The following BAZ1B variants were observed in gnomAD, a reference collection of about 807,000 sequenced individuals.
BAZ1B encodes the protein bromodomain adjacent to zinc finger domain 1B, also known as tyrosine-protein kinase BAZ1B.
Under a neutral mutation model 153.8 loss-of-function variants are expected in BAZ1B, and 22 were observed. The ratio of observed to expected loss-of-function variants is 0.14; its 90% CI spans 0.10 to 0.20. The LOEUF (loss-of-function observed/expected upper bound fraction) is 0.20, where lower values mean the gene tolerates loss of function less well. Ranked by LOEUF, BAZ1B falls within the 10% of genes least tolerant of loss-of-function variation. The pLI, the probability that BAZ1B is intolerant of heterozygous loss-of-function variation, is 1.00. For missense variants in BAZ1B, 1,325 were observed against 1,799.3 expected, an observed-to-expected ratio of 0.74 and a Z score of 4.77; for synonymous variants, 676 against 633.4, an observed-to-expected ratio of 1.07 and a Z score of -1.01.
chr7:73,489,078 T>C (rs1040514999), intron 6 of BAZ1B, 116 bp downstream of exon 6: 1 of 1,122,214 alleles, frequency 8.9e-7, no homozygotes, highest in Non-Finnish European at 1.3e-6. Context: ...CTGAAAAATT[T>C]TTAATTCATT....
chr7:73,506,987 TC>T, intron 3 of BAZ1B, among the ~76,000 whole-genome samples: 1 of 139,620 alleles, frequency 7.2e-6, no homozygotes, highest in Non-Finnish European at 1.5e-5. Flanking sequence ...CACGCCATTC[TC>T]CTGCCTCAGC....
intron 13 of BAZ1B, among the ~76,000 whole-genome samples, chr7:73,456,624 A>G (rs1418825124): frequency 6.6e-6 from 1 of 152,166 alleles, no homozygotes; most frequent in East Asian, 1.9e-4. Context: ...ATTAGGATGG[A>G]TACTATTAAA....
chr7:73,442,641 G>A (rs1787668902), intron 18 of BAZ1B, 84 bp downstream of exon 18: 1 of 1,548,948 alleles, frequency 6.5e-7, no homozygotes, highest in Middle Eastern at 2.0e-4. Flanking sequence ...CAAGGGCTTG[G>A]CTGAGAGCCC....
At chr7:73,455,170 C>T (rs1788151110) in intron 13 of BAZ1B, among the ~76,000 whole-genome samples, 1 of 152,028 alleles carries the variant, frequency 6.6e-6, no homozygotes, top group Admixed American at 6.6e-5. Flanking sequence ...CAGGCGTGAG[C>T]CACCGCACCT....
chr7:73,514,467 A>T (rs1790710729), intron 1 of BAZ1B, among the ~76,000 whole-genome samples: 1 of 149,722 alleles, frequency 6.7e-6, no homozygotes, highest in South Asian at 2.2e-4. Flanking sequence ...TTGGAGACGG[A>T]GGTCGCAGTG....
chr7:73,465,086 C>T (rs1788530574), intron 11 of BAZ1B, among the ~76,000 whole-genome samples: 2 of 152,006 alleles, frequency 1.3e-5, no homozygotes, highest in East Asian at 1.9e-4. Flanking sequence ...TAGTCATTGC[C>T]GTTGTTTCCA....
At chr7:73,459,461 A>G (rs1010702701) in intron 13 of BAZ1B, 75 bp downstream of exon 13, 10 of 1,480,580 alleles carry the variant, frequency 6.8e-6, no homozygotes, top group Admixed American at 2.0e-5. Flanking sequence ...GCTAAAATGC[A>G]TAGGGTTAGA....
intron 6 of BAZ1B, among the ~76,000 whole-genome samples, chr7:73,479,430 C>G (rs1417432703): frequency 6.6e-6 from 1 of 150,926 alleles, no homozygotes; most frequent in African/African-American, 2.4e-5. Context: ...ATTGCTTGAA[C>G]CCGGGAGGAG....
At position 73,486,605 on chromosome 7, in the gene BAZ1B, C is replaced by T. The variant is rs566661953; in HGVS notation, c.891+2589G>A. Among the ~76,000 whole-genome samples, 4 of 151,798 alleles carry T rather than the reference C, an allele frequency of 2.6e-5. No homozygotes were observed. In the South Asian group the frequency reaches 6.2e-4, roughly 24 times the overall value. On this transcript the variant is annotated intron_variant, in intron 6 of 19. Coordinates refer to ENST00000339594, the MANE Select transcript of BAZ1B (RefSeq NM_032408.4). Reference sequence around the variant, plus strand: ...CCTCCCAAAGTGCTAGGATTACAGGCGTGAGCCACTGCGCCTGGCCTGCTA... The same window carrying T: ...CCTCCCAAAGTGCTAGGATTACAGGTGTGAGCCACTGCGCCTGGCCTGCTA...
At position 73,478,530 on chromosome 7, in the gene BAZ1B, C is replaced by T. The variant is rs1554573232; in HGVS notation, c.931G>A (p.Gly311Arg). 1 of 1,564,500 alleles carries T rather than the reference C, an allele frequency of 6.4e-7. No individual in the cohort carries two copies. The highest frequency in any genetic ancestry group is 2.3e-5 in the East Asian group (1 of 44,422). The change falls in exon 7 of 20, where the codon GGA becomes AGA. Residue 311 changes from glycine to arginine, a missense_variant. Coordinates refer to ENST00000339594, the MANE Select transcript of BAZ1B (RefSeq NM_032408.4). ...LNPSTKRKNT[G>R]SPDRKPSKKS... ...TTTGAGGGCTTCCTGTCTGGGGATC[C>T]AGTATTCTTCCTCTTAGTAGAAGGG...
intron 5 of BAZ1B, among the ~76,000 whole-genome samples, chr7:73,491,912 A>C (rs935095754): frequency 5.3e-5 from 8 of 152,014 alleles, no homozygotes; most frequent in African/African-American, 1.9e-4. Context: ...GATTCTGCAC[A>C]TACAGGTGGT....
intron 9 of BAZ1B, among the ~76,000 whole-genome samples, chr7:73,467,905 G>A (rs1788656917): frequency 6.6e-6 from 1 of 152,082 alleles, no homozygotes; most frequent in South Asian, 2.1e-4. Flanking sequence ...GAAGTCTAAC[G>A]AAACCAGATT....
At chr7:73,473,838 C>T (rs1788903212) in intron 7 of BAZ1B, among the ~76,000 whole-genome samples, 1 of 152,150 alleles carries the variant, frequency 6.6e-6, no homozygotes, top group Non-Finnish European at 1.5e-5. Flanking sequence ...CTGACACATG[C>T]CTGTAAGTCC....
At chr7:73,458,544 C>T (rs1788279939) in intron 13 of BAZ1B, among the ~76,000 whole-genome samples, 1 of 151,810 alleles carries the variant, frequency 6.6e-6, no homozygotes, top group Admixed American at 6.6e-5. Context: ...GGCATGGTGG[C>T]ATGCACCTGC....
At chr7:73,485,641 A>G (rs532945053) in intron 6 of BAZ1B, among the ~76,000 whole-genome samples, 223 of 151,626 alleles carry the variant, frequency 1.5e-3, no homozygotes, top group South Asian at 7.5e-3. Context: ...AAAAAAAAAA[A>G]AGAGAGAGAG....
rs782262966 is a variant in BAZ1B at position 73,477,321 on chromosome 7, T to C, written c.2140A>G (p.Lys714Glu). ...TTATCCTCAAATGCAGCTGAATCTT[T>C]ATTGTCATCTGTGTCTGAGCCCTCG... ...ESEGSDTDDN[K>E]DSAAFEDNEV... Residue 714 changes from lysine (K) to glutamate (E), a missense_variant, in exon 7 of 20, where the codon AAA (lysine) becomes GAA (glutamate). Lys to Glu is a moderately conservative substitution (Grantham distance 56, BLOSUM62 1). This residue lies in a region of BAZ1B where 431 missense variants were observed against 563.5 expected (regional missense o/e 0.76). Coordinates refer to ENST00000339594, the MANE Select transcript of BAZ1B (RefSeq NM_032408.4). This position sits in a 1 kb window ranked among gnomAD's most constrained non-coding sequence, Gnocchi z 5.6. 5 of 1,614,272 alleles carry C rather than the reference T, an allele frequency of 3.1e-6. No individual in the cohort carries two copies. The highest frequency in any genetic ancestry group is 3.4e-6 in the Non-Finnish European group (4 of 1,180,050).
At chr7:73,466,027 T>C (rs1413740060) in intron 10 of BAZ1B, among the ~76,000 whole-genome samples, 2 of 152,180 alleles carry the variant, frequency 1.3e-5, no homozygotes, top group Admixed American at 1.3e-4. Context: ...TTAAGCTACA[T>C]TTCTACTGCT....
intron 4 of BAZ1B, among the ~76,000 whole-genome samples, chr7:73,496,052 C>A (rs2116402254): frequency 6.6e-6 from 1 of 152,228 alleles, no homozygotes. Flanking sequence ...AAGTCCAACA[C>A]AGGCCAAGAA....
Position 73,449,598 on chromosome 7 carries a change from A to G in BAZ1B, c.3672T>C (p.Gly1224=). 6.2e-7 allele frequency: 1 copy of G among 1,614,074 alleles called. No individual in the cohort carries two copies. Among genetic ancestry groups the G allele is most frequent in the East Asian group, 2.2e-5 (1 of 44,884 alleles). The change falls in exon 15 of 20, where the codon GGT becomes GGC. Residue 1224 remains glycine, a synonymous_variant. Transcript: ENST00000339594. The part of the protein sequence containing the change: ...LRPALYEVPD[G]EWQCPACQPA... ...GCTGGCAAGCTGGGCACTGCCACTC[A>G]CCATCTGGTACTTCATAGAGGGCCG... is the stretch of plus-strand genomic sequence containing the variant.
Sources: allele counts gnomAD v4.1 joint callset (sites outside exome capture counted in the v4.1 genomes callset), GRCh38; gene constraint gnomAD v4.1.1; regional missense constraint gnomAD v4.1.1; non-coding constraint Gnocchi (gnomAD v3.1); transcripts MANE v1.5; gene names NCBI Gene and HGNC (gene_info 2026-07-23, HGNC 2026-07-21).